Variants in PLEKHA6 observed in about 807,000 individuals in gnomAD.
PLEKHA6 encodes the protein pleckstrin homology domain containing A6.
Under a neutral mutation model 116.7 loss-of-function variants are expected in PLEKHA6, and 60 were observed. The ratio of observed to expected loss-of-function variants is 0.51; its 90% CI spans 0.42 to 0.64. The LOEUF is 0.64. PLEKHA6 is among the 30% of genes least tolerant of loss of function. PLEKHA6 has a pLI of 0.00. For synonymous variants in PLEKHA6, 489 were observed against 556.1 expected, an observed-to-expected ratio of 0.88 and a Z score of 1.70; for missense variants, 1,338 against 1,422.7, an observed-to-expected ratio of 0.94 and a Z score of 0.96.
intron 3 of PLEKHA6, among the ~76,000 whole-genome samples, chr1:204,271,409 T>C (rs1316812600): frequency 6.6e-6 from 1 of 152,224 alleles, no homozygotes; most frequent in Non-Finnish European, 1.5e-5. Context: ...GAAATTGGTC[T>C]TTATTATAAA....
At chr1:204,375,102 C>T (rs1390910887) in intron 1 of PLEKHA6, among the ~76,000 whole-genome samples, 1 of 152,150 alleles carries the variant, frequency 6.6e-6, no homozygotes, top group Admixed American at 6.5e-5. Context: ...GTCTTACTCT[C>T]CAGCCTGGCC....
At chr1:204,256,822 G>C (rs1665366088) in intron 9 of PLEKHA6, 1 of 661,564 alleles carries the variant, frequency 1.5e-6, no homozygotes, top group Non-Finnish European at 2.7e-6. Context: ...TGGACCGTGG[G>C]GGATGGTGGG....
chr1:204,313,120 C>T (rs887529145), intron 1 of PLEKHA6, among the ~76,000 whole-genome samples: 5 of 138,054 alleles, frequency 3.6e-5, no homozygotes, highest in African/African-American at 1.3e-4. Context: ...TCCTTCCTTG[C>T]GTTGCCCAGG....
At chr1:204,310,199 A>C (rs990022836) in intron 1 of PLEKHA6, among the ~76,000 whole-genome samples, 2 of 152,004 alleles carry the variant, frequency 1.3e-5, no homozygotes, top group African/African-American at 4.8e-5. Context: ...CAAGGAGGGG[A>C]CTGGGCATAG....
rs1204737565 is a variant in PLEKHA6 at position 204,228,804 on chromosome 1, T to C, written c.2809A>G (p.Thr937Ala). The C allele has an allele frequency of 1.2e-6, 2 of 1,613,644 alleles. No homozygotes were observed. Among genetic ancestry groups the C allele is most frequent in the East Asian group, 4.5e-5 (2 of 44,874 alleles). The change falls in exon 20 of 23, where the codon ACT becomes GCT. Residue 937 changes from threonine (T) to alanine (A), a missense_variant. Thr to Ala is a moderately conservative substitution (Grantham distance 58). This residue lies in a region of PLEKHA6 where 1,136 missense variants were observed against 1,163.6 expected (regional missense o/e 0.98). Coordinates refer to ENST00000272203, the MANE Select transcript of PLEKHA6 (RefSeq NM_014935.5). The surrounding 1 kb of genome is among the most constrained non-coding windows in gnomAD (Gnocchi z 4.0). ...TTCAACTCCTCAGGGCTCAGGGGAG[T>C]GTCAGGCTCCAGGTCAATGTACCGT... ...PERYIDLEPDTPLSPEELKEK... is the reference protein window; with the variant it reads ...PERYIDLEPDAPLSPEELKEK...
intron 1 of PLEKHA6, among the ~76,000 whole-genome samples, chr1:204,325,209 G>A (rs1269116158): frequency 6.6e-6 from 1 of 152,154 alleles, no homozygotes; most frequent in Non-Finnish European, 1.5e-5. Context: ...GGTAGGCAAC[G>A]TTACTTCCCA....
In PLEKHA6 at chr1:204,259,390, G is replaced by C. The variant is rs1665805697; in HGVS notation, c.875C>G (p.Thr292Ser). Reference sequence around the variant, plus strand: ...TGGGAAACTCCGCCGGTGTCCCCCAGTCTCTCCATCCTGAGACGGGAAAGC... The same window carrying C: ...TGGGAAACTCCGCCGGTGTCCCCCACTCTCTCCATCCTGAGACGGGAAAGC... ...STAFPSQDGE[T>S]GGHRRSFPPR... The change falls in exon 8 of 23, where the codon ACT (threonine) becomes AGT (serine). Residue 292 changes from threonine to serine, a missense_variant. Physicochemically the swap from Thr to Ser is moderately conservative, Grantham distance 58. This residue lies in a region of PLEKHA6 where 1,136 missense variants were observed against 1,163.6 expected (regional missense o/e 0.98). Coordinates refer to ENST00000272203, the MANE Select transcript of PLEKHA6 (RefSeq NM_014935.5). The surrounding 1 kb of genome is among the most constrained non-coding windows in gnomAD (Gnocchi z 4.6). 4.3e-6 allele frequency: 7 copies of C among 1,614,116 alleles called. No homozygotes were observed. Among genetic ancestry groups the C allele is most frequent in the Non-Finnish European group, 5.9e-6 (7 of 1,180,050 alleles).
At chr1:204,233,622 A>AT (rs201804089) in intron 17 of PLEKHA6, among the ~76,000 whole-genome samples, 8 of 151,506 alleles carry the variant, frequency 5.3e-5, no homozygotes, top group East Asian at 1.9e-4. Context: ...CTAATTTTTA[A>AT]TTTTTTTGTA....
rs981389115 is a variant in PLEKHA6 at position 204,255,295 on chromosome 1, G to A, written c.1524+2058C>T. On this transcript the variant is annotated intron_variant, in intron 9 of 22. Coordinates refer to ENST00000272203, the MANE Select transcript of PLEKHA6 (RefSeq NM_014935.5). ...CCCAGCCTAGAGCTCCCTCGACTCT[G>A]CGACTCCCTCCTCTCGCCAGAAAAA... Among the ~76,000 whole-genome samples, 6 of 152,134 alleles carry A rather than the reference G, an allele frequency of 3.9e-5. No homozygotes were observed. The South Asian group carries it at 1.2e-3, about 32-fold the overall frequency.
At chr1:204,358,163 G>T (rs1391553406) in intron 1 of PLEKHA6, among the ~76,000 whole-genome samples, 2 of 152,212 alleles carry the variant, frequency 1.3e-5, no homozygotes, top group African/African-American at 4.8e-5. Context: ...CCGCTGATTG[G>T]AAAACCAATG....
At chr1:204,287,696 C>T (rs1463037523) in intron 1 of PLEKHA6, among the ~76,000 whole-genome samples, 2 of 152,158 alleles carry the variant, frequency 1.3e-5, no homozygotes, top group Admixed American at 1.3e-4. Flanking sequence ...CCACCTTCCT[C>T]CCGTGGCCCC....
In PLEKHA6 at chr1:204,373,401, G is replaced by T. The variant is rs561881048; in HGVS notation, c.84-1795C>A. 1.3e-4 allele frequency among the ~76,000 whole-genome samples: 20 copies of T among 149,040 alleles called. No homozygotes were observed. In the South Asian group the frequency reaches 4.2e-3, roughly 31 times the overall value. The stretch of plus-strand genomic sequence containing the variant: ...CCTGGTCTCTGGCTATTTTTTTTTT[G>T]CAGAGACAAGGTCTTACTATGTTGC... On this transcript the variant is annotated intron_variant, in intron 1 of 4. Coordinates refer to the PLEKHA6 transcript ENST00000564627.
chr1:204,234,558 TA>T (rs1427936855), intron 17 of PLEKHA6, among the ~76,000 whole-genome samples: 2 of 152,334 alleles, frequency 1.3e-5, no homozygotes, highest in African/African-American at 4.8e-5. Flanking sequence ...TATTCTTTTA[TA>T]TTTTTTATGC....
chr1:204,349,516 G>A (rs1370908525), intron 1 of PLEKHA6, among the ~76,000 whole-genome samples: 1 of 149,022 alleles, frequency 6.7e-6, no homozygotes, highest in Non-Finnish European at 1.5e-5. Flanking sequence ...GCTCCAGCCT[G>A]GGCAACAGAG....
intron 1 of PLEKHA6, chr1:204,275,793 A>C: frequency 1.3e-6 from 1 of 792,940 alleles, no homozygotes; most frequent in Non-Finnish European, 1.5e-6. Flanking sequence ...AGATTCAAGC[A>C]TTCAGCCAGT....
rs1553236328 is a variant in PLEKHA6 at position 204,219,260 on chromosome 1, T to TATATAA, written c.*3527_*3528insTTATAT. On this transcript the variant is annotated 3_prime_UTR_variant, in exon 23 of 23. Coordinates refer to ENST00000272203, the MANE Select transcript of PLEKHA6 (RefSeq NM_014935.5). ...GTGTGTGTATATATATATATATATA[T>TATATAA]AATGTGTGTGTATATCATATTTTTT... is the stretch of plus-strand genomic sequence containing the variant. 7.3e-5 allele frequency: 11 copies of TATATAA among 149,952 alleles called. No homozygotes were observed. Among genetic ancestry groups the TATATAA allele is most frequent in the Non-Finnish European group, 1.2e-4 (8 of 67,544 alleles). The allele number at this position is 149,952 out of a possible 1,614,324, so 9.3% of individuals were successfully genotyped here.
intron 1 of PLEKHA6, chr1:204,301,432 G>A: frequency 1.0e-6 from 1 of 985,444 alleles, no homozygotes; most frequent in Non-Finnish European, 1.2e-6. Flanking sequence ...AGAGCTGGCG[G>A]AGGCAATGTG....
chr1:204,250,541 C>T lies in PLEKHA6; in HGVS notation c.1593+5G>A, dbSNP rs1475737332. The T allele has an allele frequency of 2.5e-6, 4 of 1,609,966 alleles. 1 individual carries two copies. The highest frequency in any genetic ancestry group is 2.2e-5 in the East Asian group (1 of 44,872). Reference sequence around the variant, plus strand: ...GAGGGAGGGAGCAGGGGGCGCTGCTCTTACATCTGTGTCTTGCTCGTTTAA... The same window carrying T: ...GAGGGAGGGAGCAGGGGGCGCTGCTTTTACATCTGTGTCTTGCTCGTTTAA... On this transcript the variant is annotated splice_donor_5th_base_variant and intron_variant, in intron 10 of 22. Transcript: ENST00000272203.
intron 21 of PLEKHA6, among the ~76,000 whole-genome samples, chr1:204,225,401 T>C (rs1660204245): frequency 6.6e-6 from 1 of 152,236 alleles, no homozygotes; most frequent in Non-Finnish European, 1.5e-5. Context: ...GCTGCAGATG[T>C]GAATCATACA....
Sources: allele counts gnomAD v4.1 joint callset (sites outside exome capture counted in the v4.1 genomes callset), GRCh38; gene constraint gnomAD v4.1.1; regional missense constraint gnomAD v4.1.1; non-coding constraint Gnocchi (gnomAD v3.1); transcripts MANE v1.5; gene names NCBI Gene and HGNC (gene_info 2026-07-23, HGNC 2026-07-21).